The following MAF variants were observed in gnomAD, a reference collection of about 807,000 sequenced individuals.
MAF encodes the protein transcription factor Maf.
In MAF, 10 loss-of-function variants were observed where a neutral mutation model predicts 22.0. The ratio of observed to expected loss-of-function variants is 0.45; its 90% CI spans 0.28 to 0.77. The LOEUF (loss-of-function observed/expected upper bound fraction) is 0.77. MAF is among the 30% of genes least tolerant of loss of function. The pLI is 0.12. For synonymous variants in MAF, 337 were observed against 255.8 expected (o/e 1.32, Z -3.03); for missense variants, 544 against 548.4 (o/e 0.99, Z 0.08).
At chr16:79,387,201 C>T in the MAF span, among the ~76,000 whole-genome samples, 1 of 152,222 alleles carries the variant, frequency 6.6e-6, no homozygotes, top group African/African-American at 2.4e-5. Flanking sequence ...CCTTACTGAA[C>T]AGTGGTGCCC....
the MAF span, among the ~76,000 whole-genome samples, chr16:79,537,243 G>A: frequency 6.6e-6 from 1 of 152,180 alleles, no homozygotes; most frequent in Non-Finnish European, 1.5e-5. Context: ...CAACCTCGAA[G>A]TTTCCTGGTT....
At chr16:79,414,782 T>G in the MAF span, among the ~76,000 whole-genome samples, 1 of 152,226 alleles carries the variant, frequency 6.6e-6, no homozygotes. Flanking sequence ...GACTCTGTAA[T>G]AACAAACAAC....
chr16:79,431,356 C>T, the MAF span, among the ~76,000 whole-genome samples: 1 of 152,306 alleles, frequency 6.6e-6, no homozygotes, highest in East Asian at 1.9e-4. Context: ...TCCACTTAGA[C>T]CATACACTAA....
chr16:79,578,605 T>A, the MAF span, among the ~76,000 whole-genome samples: 2 of 152,040 alleles, frequency 1.3e-5, no homozygotes, highest in Non-Finnish European at 2.9e-5. Flanking sequence ...ACTCCCCCAA[T>A]AAATAACACT....
the MAF span, among the ~76,000 whole-genome samples, chr16:79,299,657 G>T: frequency 6.6e-6 from 1 of 152,100 alleles, no homozygotes; most frequent in African/African-American, 2.4e-5. Flanking sequence ...TGAGACCAGC[G>T]TCCTGCACAG....
At chr16:79,269,722 C>G in the MAF span, among the ~76,000 whole-genome samples, 1 of 152,148 alleles carries the variant, frequency 6.6e-6, no homozygotes, top group African/African-American at 2.4e-5. Flanking sequence ...CTGTCCCTGC[C>G]TCTCAGACTT....
the MAF span, among the ~76,000 whole-genome samples, chr16:79,575,077 T>C: frequency 2.6e-5 from 4 of 151,936 alleles, no homozygotes; most frequent in African/African-American, 9.7e-5. Flanking sequence ...CTAAAGGTTC[T>C]TGATTCATGT....
the MAF span, among the ~76,000 whole-genome samples, chr16:79,553,849 G>A: frequency 2.0e-5 from 3 of 152,288 alleles, no homozygotes; most frequent in African/African-American, 7.2e-5. Context: ...AGCACTTTGG[G>A]AGGCCGAGGC....
In MAF at chr16:79,600,391, C is replaced by A; in HGVS notation, c.-489G>T. 5.1e-6 allele frequency: 1 copy of A among 197,408 alleles called. No individual in the cohort carries two copies. Among genetic ancestry groups the A allele is most frequent in the Non-Finnish European group, 1.2e-5 (1 of 86,532 alleles). The allele number at this position is 197,408 out of a possible 1,614,324, so 12.2% of individuals were successfully genotyped here. A position where few individuals can be genotyped will look rare whatever the true frequency, so the allele number is the denominator to read the frequency against. On this transcript the variant is annotated 5_prime_UTR_variant, in exon 1 of 2. Coordinates refer to ENST00000326043, the MANE Select transcript of MAF (RefSeq NM_005360.5). The stretch of plus-strand genomic sequence containing the variant: ...CGGCGTCCGCTCGGGGCTGGAGGCG[C>A]GGCGGGCGTCTGTCCGGGCGGCGCG...
chr16:79,290,428 C>G, the MAF span, among the ~76,000 whole-genome samples: 2 of 152,084 alleles, frequency 1.3e-5, no homozygotes, highest in Non-Finnish European at 2.9e-5. Context: ...TTCTGAATAC[C>G]CTTTGGGTTC....
chr16:79,569,670 C>G, the MAF span, among the ~76,000 whole-genome samples: 3 of 152,198 alleles, frequency 2.0e-5, no homozygotes, highest in Admixed American at 1.3e-4. Flanking sequence ...CTTAGCTACA[C>G]AGTACAGTCA....
At chr16:79,292,951 C>A in the MAF span, among the ~76,000 whole-genome samples, 1 of 152,090 alleles carries the variant, frequency 6.6e-6, no homozygotes. Flanking sequence ...GGGTAGGAAC[C>A]CTCAGTTCTG....
At chr16:79,283,189 G>C in the MAF span, among the ~76,000 whole-genome samples, 5 of 152,286 alleles carry the variant, frequency 3.3e-5, no homozygotes, top group South Asian at 1.0e-3. Context: ...CGGATGAATG[G>C]ATGGATGGAT....
intron 1 of MAF, chr16:79,598,302 C>A: frequency 1.8e-6 from 2 of 1,092,078 alleles, no homozygotes; most frequent in Non-Finnish European, 2.2e-6. Context: ...CACACACACA[C>A]ACAGAAAATG....
chr16:79,448,387 T>C, the MAF span, among the ~76,000 whole-genome samples: 3 of 152,068 alleles, frequency 2.0e-5, no homozygotes, highest in African/African-American at 7.2e-5. Context: ...ATTTTTTTTT[T>C]TTTTTTTAGC....
At chr16:79,358,869 G>A in the MAF span, among the ~76,000 whole-genome samples, 1 of 152,218 alleles carries the variant, frequency 6.6e-6, no homozygotes, top group African/African-American at 2.4e-5. Context: ...ATGCTGCAGA[G>A]GCTGCTCCGA....
the MAF span, among the ~76,000 whole-genome samples, chr16:79,232,837 C>CTTTTT: frequency 1.1e-4 from 13 of 113,822 alleles, no homozygotes; most frequent in African/African-American, 2.0e-4. Flanking sequence ...ATAAGCCATT[C>CTTTTT]TTTTTTTTTT....
chr16:79,575,146 G>T, the MAF span, among the ~76,000 whole-genome samples: 1 of 151,874 alleles, frequency 6.6e-6, no homozygotes, highest in Non-Finnish European at 1.5e-5. Context: ...TAGATTCAGA[G>T]ACCCGTTTAT....
At chr16:79,509,735 G>A in the MAF span, among the ~76,000 whole-genome samples, 578 of 152,350 alleles carry the variant, frequency 3.8e-3, 6 homozygotes, top group African/African-American at 0.013. Flanking sequence ...CTGGGGATGC[G>A]TGCTCTTTTA....
Sources: gnomAD v4.1 joint callset for allele counts (sites outside exome capture counted in the v4.1 genomes callset) on GRCh38, gnomAD v4.1.1 for gene constraint, MANE v1.5 for transcripts, NCBI Gene and HGNC (gene_info 2026-07-23, HGNC 2026-07-21) for gene names.